The following PANK4 variants were observed in gnomAD, a reference collection of about 807,000 sequenced individuals.
The protein encoded by PANK4 is pantothenate kinase 4 (inactive).
In PANK4, 40 loss-of-function variants were observed where a neutral mutation model predicts 87.9. The observed-to-expected ratio is 0.46, with a 90% CI of 0.35 to 0.59. PANK4 has a LOEUF of 0.59. Among genes scored for constraint, PANK4 ranks in the 20% least tolerant of loss-of-function variants. The probability of loss-of-function intolerance (pLI) is 0.00; values close to 1 mark genes in which losing one functional copy is unlikely to be tolerated. For missense variants in PANK4, 926 were observed against 1,072.3 expected (o/e 0.86, Z 1.90); for synonymous variants, 524 against 467.4 (o/e 1.12, Z -1.56).
rs768091160 is a variant in PANK4, at chr1:2,508,917, G to A, written c.2252C>T (p.Ala751Val). ...GCCGCCCAGCCGCTCGGCCAGCCAC[G>A]CGTTCTTGATGACGGCCAGCTTGAG... Reference protein sequence around the residue: ...ESLKLAVIKNAWLAERLGGRL... With the variant: ...ESLKLAVIKNVWLAERLGGRL... The change falls in exon 19 of 19, where the codon GCG (alanine) becomes GTG (valine). Residue 751 changes from alanine to valine, a missense_variant. By Grantham distance (64) the Ala-to-Val change is moderately conservative (BLOSUM62 0). Coordinates refer to ENST00000378466, the MANE Select transcript of PANK4 (RefSeq NM_018216.4). The surrounding 1 kb of genome is among the most constrained non-coding windows in gnomAD (Gnocchi z 5.1). 54 of 1,610,424 alleles carry A rather than the reference G, an allele frequency of 3.4e-5. No homozygotes were observed. The highest frequency in any genetic ancestry group is 1.6e-4 in the Middle Eastern group (1 of 6,074).
Position 2,520,602 on chromosome 1 carries a change from C to A in PANK4, c.606+121G>T, listed in dbSNP as rs184855959. 2 of 1,125,118 alleles carry A rather than the reference C, an allele frequency of 1.8e-6. No individual in the cohort carries two copies. The highest frequency in any genetic ancestry group is 4.7e-5 in the East Asian group (2 of 42,306). 69.7% of individuals were successfully genotyped at this position (1,125,118 alleles called of 1,614,324 possible). A position where few individuals can be genotyped will look rare whatever the true frequency, so the allele number is the denominator to read the frequency against. ...CAGAGGCTCTGAGCTCACAGCCTCG[C>A]CACCCCCCTCCCGCCCACTGGGCCC... On this transcript the variant is annotated intron_variant, in intron 4 of 18. Coordinates refer to ENST00000378466, the MANE Select transcript of PANK4 (RefSeq NM_018216.4). This position sits in a 1 kb window ranked among gnomAD's most constrained non-coding sequence, Gnocchi z 6.2.
intron 9 of PANK4, among the ~76,000 whole-genome samples, chr1:2,517,794 G>T (rs1327871115): frequency 2.0e-5 from 3 of 152,248 alleles, no homozygotes; most frequent in African/African-American, 7.2e-5. Flanking sequence ...CCTAGGCAGG[G>T]CCCTGGGTGG....
chr1:2,514,369 AG>A lies in PANK4; in HGVS notation c.1471del (p.Leu491Ter). ...RQKYWNKLQT[L>X]RQQPFAYGTL... ...GGGCACTTACAAGGGCTGCTGCCTC[AG>A]GGTCTGAAGCTTGTTCCAGTACTTC... On this transcript the variant is annotated frameshift_variant, in exon 11 of 19. Transcript: ENST00000378466. LOFTEE classifies it high-confidence loss of function. The A allele has an allele frequency of 6.2e-7, 1 of 1,611,798 alleles. No individual in the cohort carries two copies. The highest frequency in any genetic ancestry group is 8.5e-7 in the Non-Finnish European group (1 of 1,179,164).
Position 2,520,467 on chromosome 1 carries a change from C to T in PANK4, c.607-53G>A, listed in dbSNP as rs575200084. On this transcript the variant is annotated intron_variant, in intron 4 of 18. Coordinates refer to ENST00000378466, the MANE Select transcript of PANK4 (RefSeq NM_018216.4). This position sits in a 1 kb window ranked among gnomAD's most constrained non-coding sequence, Gnocchi z 6.2. ...CTCAGTGGGCCCTCAGCCACACAGG[C>T]TCCCCCGCCCCCCGCCCCATGTGCT... The T allele has an allele frequency of 1.0e-5, 15 of 1,482,102 alleles. No individual in the cohort carries two copies. Among genetic ancestry groups the T allele is most frequent in the Middle Eastern group, 2.0e-4 (1 of 4,994 alleles). 91.8% of individuals were successfully genotyped at this position (1,482,102 alleles called of 1,614,324 possible). A position where few individuals can be genotyped will look rare whatever the true frequency, so the allele number is the denominator to read the frequency against.
intron 1 of PANK4, among the ~76,000 whole-genome samples, chr1:2,523,116 G>A (rs188113433): frequency 1.3e-5 from 2 of 152,358 alleles, no homozygotes; most frequent in Admixed American, 6.5e-5. Flanking sequence ...CTATAAGGAT[G>A]TCTGAGAACA....
chr1:2,512,963 T>G lies in PANK4; in HGVS notation c.1652A>C (p.Glu551Ala), dbSNP rs1643688743. The G allele has an allele frequency of 2.5e-6, 4 of 1,612,426 alleles. No individual in the cohort carries two copies. Among genetic ancestry groups the G allele is most frequent in the Non-Finnish European group, 3.4e-6 (4 of 1,179,746 alleles). The change falls in exon 13 of 19, where the codon GAG becomes GCG. Residue 551 changes from glutamate to alanine, a missense_variant. Physicochemically the swap from Glu to Ala is moderately radical, Grantham distance 107. Coordinates refer to ENST00000378466, the MANE Select transcript of PANK4 (RefSeq NM_018216.4). Reference sequence around the variant, plus strand: ...TTTCACCAGCGCCAGCTGCCGTTCCTCCCAGCCCAGCGCGTCCAGGGAGCG... The same window carrying G: ...TTTCACCAGCGCCAGCTGCCGTTCCGCCCAGCCCAGCGCGTCCAGGGAGCG... ...VVRSLDALGW[E>A]ERQLALVKGL...
At position 2,519,926 on chromosome 1, in the gene PANK4, G is replaced by C. The variant is rs751896275; in HGVS notation, c.728C>G (p.Ser243Trp). Residue 243 changes from serine (S) to tryptophan (W), a missense_variant, in exon 6 of 19, where the codon TCG (serine) becomes TGG (tryptophan). Ser to Trp is a radical substitution (Grantham distance 177). Transcript: ENST00000378466. The surrounding 1 kb of genome is among the most constrained non-coding windows in gnomAD (Gnocchi z 8.3). ...GTCCACATTGCTGTGCTGGCCCCTC[G>C]AGGCCAGGTGCAGGAGCTCGTCAAA... ...KKFDELLHLASRGQHSNVDML... is the reference protein window; with the variant it reads ...KKFDELLHLAWRGQHSNVDML... The C allele has an allele frequency of 6.4e-6, 10 of 1,564,968 alleles. No individual in the cohort carries two copies. The highest frequency in any genetic ancestry group is 8.7e-6 in the Non-Finnish European group (10 of 1,154,336).
chr1:2,517,771 C>T (rs1406172492), intron 9 of PANK4, among the ~76,000 whole-genome samples: 1 of 152,262 alleles, frequency 6.6e-6, no homozygotes, highest in African/African-American at 2.4e-5. Context: ...CAGTGTGCGG[C>T]AGAGCGCGCA....
At chr1:2,523,908 G>C (rs1643898915) in intron 1 of PANK4, among the ~76,000 whole-genome samples, 1 of 152,234 alleles carries the variant, frequency 6.6e-6, no homozygotes, top group Admixed American at 6.5e-5. Flanking sequence ...ACAGCTGGTG[G>C]GGGAAGGGGG....
Position 2,512,879 on chromosome 1 carries a change from G to A in PANK4, c.1727+9C>T, listed in dbSNP as rs1643686712. The A allele has an allele frequency of 1.2e-6, 2 of 1,612,334 alleles. No homozygotes were observed. The highest frequency in any genetic ancestry group is 1.3e-5 in the African/African-American group (1 of 74,930). The stretch of plus-strand genomic sequence containing the variant: ...CTGCAGAGCCTGCTCCGAGCCCGCA[G>A]ACACCTACGCAGACACGGCTTTGGC... On this transcript the variant is annotated intron_variant, in intron 13 of 18. Transcript: ENST00000378466.
In PANK4 at chr1:2,519,471, G is replaced by A. The variant is rs1391915362; in HGVS notation, c.854-147C>T. 1.8e-6 allele frequency: 1 copy of A among 542,682 alleles called. No individual in the cohort carries two copies. The highest frequency in any genetic ancestry group is 3.2e-5 in the East Asian group (1 of 31,310). The allele number at this position is 542,682 out of a possible 1,614,324, so 33.6% of individuals were successfully genotyped here. On this transcript the variant is annotated intron_variant, in intron 6 of 18. Coordinates refer to ENST00000378466, the MANE Select transcript of PANK4 (RefSeq NM_018216.4). The surrounding 1 kb of genome is among the most constrained non-coding windows in gnomAD (Gnocchi z 8.3). ...GGAGGGGAGGGGGAGAGAGAGCTGA[G>A]TGGGGGAACTGGAGCCCAAGTGCGG...
chr1:2,511,208 C>T (rs922698210), intron 15 of PANK4, 130 bp downstream of exon 15: 26 of 697,794 alleles, frequency 3.7e-5, no homozygotes, highest in Middle Eastern at 3.7e-4. Flanking sequence ...ACCCTTGGCT[C>T]GCAGGATGGT....
At chr1:2,514,171 G>T in intron 11 of PANK4, 82 bp from the exon 12 acceptor site, 1 of 1,286,730 alleles carries the variant, frequency 7.8e-7, no homozygotes, top group Non-Finnish European at 1.1e-6. Flanking sequence ...TGCCACGGAC[G>T]TCCTCAGGAG....
chr1:2,514,547 G>A, intron 10 of PANK4, 81 bp from the exon 11 acceptor site: 1 of 965,504 alleles, frequency 1.0e-6, no homozygotes, highest in Non-Finnish European at 1.6e-6. Flanking sequence ...GGGGGCTCGG[G>A]GAAGGGTGGG....
At position 2,520,151 on chromosome 1, in the gene PANK4, C is replaced by T. The variant is rs896250874; in HGVS notation, c.699+171G>A. ...GGATAGAAGCTCTGGGTTGCTGGGA[C>T]ACCCAACCCTCAGGGCGCAAAGAGT... On this transcript the variant is annotated intron_variant, in intron 5 of 18. Transcript: ENST00000378466. This position sits in a 1 kb window ranked among gnomAD's most constrained non-coding sequence, Gnocchi z 6.2. Among the ~76,000 whole-genome samples, 2 of 152,190 alleles carry T rather than the reference C, an allele frequency of 1.3e-5. No homozygotes were observed. The highest frequency in any genetic ancestry group is 1.3e-4 in the Admixed American group (2 of 15,286).
At chr1:2,512,725 C>G (rs185432667) in intron 13 of PANK4, 163 bp downstream of exon 13, 37 of 689,484 alleles carry the variant, frequency 5.4e-5, no homozygotes, top group Non-Finnish European at 8.3e-5. Flanking sequence ...CAGCCCCTGG[C>G]GCTGCTGCCA....
In PANK4 at chr1:2,509,680, T is replaced by C; in HGVS notation, c.2108+182A>G. ...CCTCAGACCCTGAATCCATTCACCC[T>C]CCCCAGGCCACCTTCGGGGATGGCA... On this transcript the variant is annotated intron_variant, in intron 18 of 18. Coordinates refer to ENST00000378466, the MANE Select transcript of PANK4 (RefSeq NM_018216.4). This position sits in a 1 kb window ranked among gnomAD's most constrained non-coding sequence, Gnocchi z 4.9. 1.6e-6 allele frequency: 1 copy of C among 632,142 alleles called. No homozygotes were observed. Among genetic ancestry groups the C allele is most frequent in the Non-Finnish European group, 2.9e-6 (1 of 349,546 alleles). The allele number at this position is 632,142 out of a possible 1,614,324, so 39.2% of individuals were successfully genotyped here.
intron 14 of PANK4, 71 bp from the exon 15 acceptor site, chr1:2,511,458 G>GT: frequency 1.6e-6 from 2 of 1,250,866 alleles, no homozygotes; most frequent in South Asian, 2.4e-5. Flanking sequence ...GCGTCTTCAG[G>GT]TGTTCGTCTC....
chr1:2,515,528 T>C lies in PANK4; in HGVS notation c.1374+34A>G. On this transcript the variant is annotated intron_variant, in intron 10 of 18. Coordinates refer to ENST00000378466, the MANE Select transcript of PANK4 (RefSeq NM_018216.4). The surrounding 1 kb of genome is among the most constrained non-coding windows in gnomAD (Gnocchi z 5.0). ...TTGGAAGGTTAACCCGGCTGCGGCC[T>C]TGGAATCGTCTAGACGGCACCCGGA... is the stretch of plus-strand genomic sequence containing the variant. 2 of 1,607,624 alleles carry C rather than the reference T, an allele frequency of 1.2e-6. No individual in the cohort carries two copies. Among genetic ancestry groups the C allele is most frequent in the South Asian group, 1.1e-5 (1 of 90,972 alleles).
Sources: allele counts gnomAD v4.1 joint callset (sites outside exome capture counted in the v4.1 genomes callset), GRCh38; gene constraint gnomAD v4.1.1; non-coding constraint Gnocchi (gnomAD v3.1); transcripts MANE v1.5; gene names NCBI Gene and HGNC (gene_info 2026-07-23, HGNC 2026-07-21).